Variants in ASAP2 observed in about 807,000 individuals in gnomAD.
The protein encoded by ASAP2 is arf-GAP with SH3 domain, ANK repeat and PH domain-containing protein 2.
ASAP2 carries 45 observed loss-of-function variants against 131.4 expected under a neutral mutation model. The observed-to-expected ratio is 0.34, with a 90% confidence interval of 0.27 to 0.44. The LOEUF is 0.44. Ranked by LOEUF, ASAP2 falls within the 20% of genes least tolerant of loss-of-function variation. ASAP2 has a pLI of 1.00. For synonymous variants in ASAP2, 510 were observed against 503.0 expected (o/e 1.01, Z -0.19); for missense variants, 1,011 against 1,297.0 (o/e 0.78, Z 3.39).
rs947163764 is a variant in ASAP2 at position 9,207,679 on chromosome 2, G to A, written c.126+449G>A. On this transcript the variant is annotated intron_variant, in intron 1 of 27. Coordinates refer to ENST00000281419, the MANE Select transcript of ASAP2 (RefSeq NM_003887.3). This position sits in a 1 kb window ranked among gnomAD's most constrained non-coding sequence, Gnocchi z 4.1. Reference sequence around the variant, plus strand: ...CGCCGCAGCCCCCGAGCGCCGCAGGGCCCCCACCCTCGGGTCCGCGGGTCC... The same window carrying A: ...CGCCGCAGCCCCCGAGCGCCGCAGGACCCCCACCCTCGGGTCCGCGGGTCC... Among the ~76,000 whole-genome samples, 1 of 152,028 alleles carries A rather than the reference G, an allele frequency of 6.6e-6. No homozygotes were observed. The highest frequency in any genetic ancestry group is 1.5e-5 in the Non-Finnish European group (1 of 67,962).
chr2:9,243,590 G>C (rs1664133919), intron 1 of ASAP2, among the ~76,000 whole-genome samples: 1 of 152,146 alleles, frequency 6.6e-6, no homozygotes, highest in African/African-American at 2.4e-5. Context: ...GGTCTAGTTT[G>C]GTGGAAACCA....
At chr2:9,233,192 T>G (rs115393275) in intron 1 of ASAP2, among the ~76,000 whole-genome samples, 7 of 152,146 alleles carry the variant, frequency 4.6e-5, no homozygotes, top group Non-Finnish European at 1.0e-4. Flanking sequence ...TTGGTGATAG[T>G]GATCGATGTC....
At chr2:9,246,842 A>G (rs1276938737) in intron 1 of ASAP2, among the ~76,000 whole-genome samples, 1 of 151,954 alleles carries the variant, frequency 6.6e-6, no homozygotes, top group Non-Finnish European at 1.5e-5. Context: ...GAAATTGTCC[A>G]GGTTTTTTGT....
Position 9,217,625 on chromosome 2 carries a change from T to TTG in ASAP2, c.126+10396_126+10397insGT, listed in dbSNP as rs1008910015. Among the ~76,000 whole-genome samples, 11 of 152,004 alleles carry TTG rather than the reference T, an allele frequency of 7.2e-5. No individual in the cohort carries two copies. The highest frequency in any genetic ancestry group is 1.6e-4 in the Non-Finnish European group (11 of 67,966). On this transcript the variant is annotated intron_variant, in intron 1 of 27. Transcript: ENST00000281419. The surrounding 1 kb of genome is among the most constrained non-coding windows in gnomAD (Gnocchi z 4.0). The stretch of plus-strand genomic sequence containing the variant: ...GAGGTATGTTTTTGTTTTTTGTTTT[T>TTG]TTTTTTGAGACGGAGTCTTCGCTCT...
rs758919014 is a variant in ASAP2 at position 9,232,027 on chromosome 2, C to G, written c.126+24797C>G. ...CCATTCCTCCAGCTGCAGTGGGTGC[C>G]CCTGTCATTTGTCAGCCAGAGCATT... is the stretch of plus-strand genomic sequence containing the variant. On this transcript the variant is annotated intron_variant, in intron 1 of 27. Transcript: ENST00000281419. This position sits in a 1 kb window ranked among gnomAD's most constrained non-coding sequence, Gnocchi z 4.1. Among the ~76,000 whole-genome samples the G allele has an allele frequency of 6.3e-4, 96 of 152,184 alleles. No individual in the cohort carries two copies. Among genetic ancestry groups the G allele is most frequent in the Non-Finnish European group, 1.0e-3 (70 of 68,036 alleles).
intron 2 of ASAP2, among the ~76,000 whole-genome samples, chr2:9,289,553 A>T (rs896434068): frequency 6.6e-6 from 1 of 152,192 alleles, no homozygotes; most frequent in South Asian, 2.1e-4. Context: ...CATAAAAAAA[A>T]ATATGCAGTA....
chr2:9,345,723 C>T (rs567362590), intron 11 of ASAP2, among the ~76,000 whole-genome samples: 1 of 152,172 alleles, frequency 6.6e-6, no homozygotes, highest in Non-Finnish European at 1.5e-5. Context: ...TTTCCTGCCC[C>T]TTGTCCCTCC....
At chr2:9,373,176 C>T (rs546131050) in intron 16 of ASAP2, among the ~76,000 whole-genome samples, 3 of 152,214 alleles carry the variant, frequency 2.0e-5, no homozygotes, top group East Asian at 1.9e-4. Context: ...CCCTGTAGAG[C>T]GGGCAGAACT....
intron 1 of ASAP2, among the ~76,000 whole-genome samples, chr2:9,220,548 T>G (rs893202685): frequency 6.6e-6 from 1 of 152,216 alleles, no homozygotes; most frequent in Admixed American, 6.5e-5. Flanking sequence ...TCCTTTGCCA[T>G]GTTTATATTG....
chr2:9,388,543 A>G lies in ASAP2; in HGVS notation c.2380A>G (p.Lys794Glu), dbSNP rs764745850. The change falls in exon 22 of 28, where the codon AAA (lysine) becomes GAA (glutamate). Residue 794 changes from lysine to glutamate, a missense_variant. Physicochemically the swap from Lys to Glu is moderately conservative, Grantham distance 56. This residue lies in a region of ASAP2 where 652 missense variants were observed against 698.9 expected (regional missense o/e 0.93). Coordinates refer to ENST00000281419, the MANE Select transcript of ASAP2 (RefSeq NM_003887.3). Reference protein sequence around the residue: ...APPLPPRNVGKVQTASSANTL... With the variant: ...APPLPPRNVGEVQTASSANTL... ...CCCGCTTCCTCCACGGAATGTTGGC[A>G]AAGGTATGAAGCTGTCCGTCATCCC... 4 of 1,612,606 alleles carry G rather than the reference A, an allele frequency of 2.5e-6. No individual in the cohort carries two copies. Among genetic ancestry groups the G allele is most frequent in the South Asian group, 1.1e-5 (1 of 90,824 alleles).
rs750167487 is a variant in ASAP2, at chr2:9,389,547, G to A, written c.2383+1001G>A. Among the ~76,000 whole-genome samples, 1 of 152,206 alleles carries A rather than the reference G, an allele frequency of 6.6e-6. No individual in the cohort carries two copies. Among genetic ancestry groups the A allele is most frequent in the Non-Finnish European group, 1.5e-5 (1 of 68,032 alleles). ...AGACGGCTGCAGCTTTGTGCTGCAC[G>A]TACACTCGGCTGTGCTGCTGGGCCC... On this transcript the variant is annotated intron_variant, in intron 22 of 27. Coordinates refer to ENST00000281419, the MANE Select transcript of ASAP2 (RefSeq NM_003887.3). This position sits in a 1 kb window ranked among gnomAD's most constrained non-coding sequence, Gnocchi z 4.7.
rs369625337 is a variant in ASAP2 at position 9,392,957 on chromosome 2, A to C, written c.2519-525A>C. Among the ~76,000 whole-genome samples the C allele has an allele frequency of 1.1e-3, 161 of 152,232 alleles. No homozygotes were observed. The highest frequency in any genetic ancestry group is 3.7e-3 in the African/African-American group (153 of 41,536). ...TGGGCCTCAGCCTCCTTGTCTGTAA[A>C]ACGTAGACACTAAGAAAGCTCTTCA... On this transcript the variant is annotated intron_variant, in intron 23 of 27. Transcript: ENST00000281419. The surrounding 1 kb of genome is among the most constrained non-coding windows in gnomAD (Gnocchi z 4.0).
In ASAP2 at chr2:9,356,107, G is replaced by A; in HGVS notation, c.1160+12G>A. ...CAGGAATGTCAAATGTAAGTTACAT[G>A]GTGGTGGGACTTTGGGCTGGACTCA... On this transcript the variant is annotated intron_variant, in intron 13 of 27. Coordinates refer to ENST00000281419, the MANE Select transcript of ASAP2 (RefSeq NM_003887.3). The A allele has an allele frequency of 6.2e-7, 1 of 1,614,220 alleles. No individual in the cohort carries two copies. The highest frequency in any genetic ancestry group is 8.5e-7 in the Non-Finnish European group (1 of 1,180,048).
At chr2:9,332,874 C>G (rs1026380818) in intron 7 of ASAP2, among the ~76,000 whole-genome samples, 3 of 152,076 alleles carry the variant, frequency 2.0e-5, no homozygotes, top group Non-Finnish European at 4.4e-5. Context: ...CAGAAAAAAA[C>G]GTATTAAAAT....
At chr2:9,390,347 C>T (rs531968229) in intron 22 of ASAP2, among the ~76,000 whole-genome samples, 2 of 152,350 alleles carry the variant, frequency 1.3e-5, no homozygotes, top group Non-Finnish European at 2.9e-5. Context: ...CCTCTGGACC[C>T]AGTGGCCTGG....
intron 15 of ASAP2, among the ~76,000 whole-genome samples, chr2:9,362,553 C>T (rs1451194331): frequency 6.6e-6 from 1 of 152,154 alleles, no homozygotes; most frequent in Non-Finnish European, 1.5e-5. Context: ...AATCTACTCT[C>T]TTGAGCCTGG....
intron 3 of ASAP2, among the ~76,000 whole-genome samples, chr2:9,306,835 G>C (rs1668973902): frequency 6.6e-6 from 1 of 152,140 alleles, no homozygotes; most frequent in Non-Finnish European, 1.5e-5. Flanking sequence ...CCAGGTTCCA[G>C]CTTAGAAGGC....
intron 11 of ASAP2, among the ~76,000 whole-genome samples, chr2:9,349,808 G>A (rs1313476332): frequency 6.6e-6 from 1 of 152,214 alleles, no homozygotes; most frequent in South Asian, 2.1e-4. Flanking sequence ...TGCTGGGCCT[G>A]TAAGTGCTTG....
At chr2:9,286,447 A>AAAAAAATATATATATAT (rs58605449) in intron 2 of ASAP2, among the ~76,000 whole-genome samples, 3 of 148,420 alleles carry the variant, frequency 2.0e-5, no homozygotes, top group African/African-American at 7.6e-5. Flanking sequence ...GAAAAAAAAA[A>AAAAAAATATATATATAT]ATATATATAT....
Sources: allele counts gnomAD v4.1 joint callset (sites outside exome capture counted in the v4.1 genomes callset), GRCh38; gene constraint gnomAD v4.1.1; regional missense constraint gnomAD v4.1.1; non-coding constraint Gnocchi (gnomAD v3.1); transcripts MANE v1.5; gene names NCBI Gene and HGNC (gene_info 2026-07-23, HGNC 2026-07-21).